The following BBS9 variants were observed in gnomAD, a reference collection of about 807,000 sequenced individuals.
The protein encoded by BBS9 is Bardet-Biedl syndrome 9.
In BBS9, 89 loss-of-function variants were observed where a neutral mutation model predicts 117.7. The observed-to-expected ratio is 0.76, with a 90% CI of 0.64 to 0.90. BBS9 has a LOEUF of 0.90. Ranked by LOEUF, BBS9 falls within the 40% of genes least tolerant of loss-of-function variation. BBS9 has a pLI of 0.00. For synonymous variants in BBS9, 379 were observed against 370.9 expected, an observed-to-expected ratio of 1.02 and a Z score of -0.25; for missense variants, 982 against 1,042.2, an observed-to-expected ratio of 0.94 and a Z score of 0.80.
chr7:33,491,138 A>G (rs1255285333), intron 19 of BBS9, among the ~76,000 whole-genome samples: 2 of 152,236 alleles, frequency 1.3e-5, no homozygotes, highest in Admixed American at 6.5e-5. Context: ...AGGGGTAGCC[A>G]GGGAGTATTC....
At chr7:33,355,008 GTAA>G (rs1415679425) in intron 15 of BBS9, among the ~76,000 whole-genome samples, 1 of 152,002 alleles carries the variant, frequency 6.6e-6, no homozygotes, top group Non-Finnish European at 1.5e-5. Context: ...TTCTCTCAGC[GTAA>G]CACTTAGAGA....
At chr7:33,184,915 A>C (rs1333072309) in intron 5 of BBS9, among the ~76,000 whole-genome samples, 1 of 152,202 alleles carries the variant, frequency 6.6e-6, no homozygotes, top group Admixed American at 6.5e-5. Flanking sequence ...TTATTGATTA[A>C]ATGCTAAACA....
At chr7:33,349,294 G>A in intron 13 of BBS9, 124 bp downstream of exon 13, 1 of 747,858 alleles carries the variant, frequency 1.3e-6, no homozygotes, top group Non-Finnish European at 2.4e-6. Context: ...CAAAATCAAT[G>A]ATTGTGTTGT....
At chr7:33,410,293 T>C (rs1452347743) in intron 19 of BBS9, among the ~76,000 whole-genome samples, 1 of 152,232 alleles carries the variant, frequency 6.6e-6, no homozygotes, top group East Asian at 1.9e-4. Context: ...TTTTCTTCTC[T>C]GCACCCATGA....
chr7:33,620,976 C>T (rs924745598), intron 21 of BBS9, among the ~76,000 whole-genome samples: 25 of 152,046 alleles, frequency 1.6e-4, no homozygotes, highest in African/African-American at 4.6e-4. Flanking sequence ...ATTAAGAATA[C>T]ACAATGGAGA....
At chr7:33,392,069 G>A (rs1827166717) in intron 19 of BBS9, among the ~76,000 whole-genome samples, 1 of 152,080 alleles carries the variant, frequency 6.6e-6, no homozygotes. Flanking sequence ...GTGCAATTTA[G>A]TGAGAATCTA....
At chr7:33,420,701 C>T (rs566307778) in intron 19 of BBS9, among the ~76,000 whole-genome samples, 1 of 152,038 alleles carries the variant, frequency 6.6e-6, no homozygotes, top group Admixed American at 6.6e-5. Flanking sequence ...TCCTGTGAAC[C>T]CTCTTTGAGA....
Position 33,516,189 on chromosome 7 carries a change from C to T in BBS9, c.2298+10544C>T, listed in dbSNP as rs146119662. On this transcript the variant is annotated intron_variant, in intron 20 of 22. Coordinates refer to ENST00000242067, the MANE Select transcript of BBS9 (RefSeq NM_198428.3). ...CTTCTGAGATGTGGGGGAGAAATGTCCTATAATTGATGGAACATAGGCCGG... is the reference window on the plus strand; with the variant it reads ...CTTCTGAGATGTGGGGGAGAAATGTTCTATAATTGATGGAACATAGGCCGG... 1.3e-3 allele frequency among the ~76,000 whole-genome samples: 203 copies of T among 152,026 alleles called. 2 individuals carry two copies. Among genetic ancestry groups the T allele is most frequent in the African/African-American group, 4.7e-3 (196 of 41,492 alleles).
At chr7:33,323,190 A>C (rs1466643216) in intron 9 of BBS9, among the ~76,000 whole-genome samples, 2 of 152,130 alleles carry the variant, frequency 1.3e-5, no homozygotes, top group Non-Finnish European at 2.9e-5. Flanking sequence ...CATGTGCTGA[A>C]GAAAATGTGT....
intron 19 of BBS9, among the ~76,000 whole-genome samples, chr7:33,485,414 A>ATTC (rs1009055425): frequency 1.4e-5 from 2 of 143,456 alleles, no homozygotes; most frequent in African/African-American, 5.2e-5. Context: ...GGTTCATGCC[A>ATTC]TTCTCCTGCC....
chr7:33,555,075 T>C (rs1433256894), intron 21 of BBS9, among the ~76,000 whole-genome samples: 2 of 152,224 alleles, frequency 1.3e-5, no homozygotes, highest in African/African-American at 4.8e-5. Context: ...TCCTTCTCTT[T>C]CCTATAAAGT....
Position 33,130,037 on chromosome 7 carries a change from A to G in BBS9, c.-16A>G, listed in dbSNP as rs1055452176. 1 of 152,216 alleles carries G rather than the reference A, an allele frequency of 6.6e-6. No homozygotes were observed. The highest frequency in any genetic ancestry group is 2.4e-5 in the African/African-American group (1 of 41,446). 9.4% of individuals were successfully genotyped at this position (152,216 alleles called of 1,614,324 possible). A position where few individuals can be genotyped will look rare whatever the true frequency, so the allele number is the denominator to read the frequency against. On this transcript the variant is annotated 5_prime_UTR_variant, in exon 1 of 23. Coordinates refer to ENST00000242067, the MANE Select transcript of BBS9 (RefSeq NM_198428.3). The stretch of plus-strand genomic sequence containing the variant: ...TGGGGCAGAGCTCATCTGACGTGGC[A>G]TCAGGTAAGATGGTATGTCTGTTGT...
At chr7:33,465,453 A>AC (rs1840025461) in intron 19 of BBS9, among the ~76,000 whole-genome samples, 1 of 152,144 alleles carries the variant, frequency 6.6e-6, no homozygotes, top group Non-Finnish European at 1.5e-5. Context: ...ACTTTAGTTA[A>AC]TACAGTGAAG....
At chr7:33,582,454 T>G (rs189935476) in intron 21 of BBS9, among the ~76,000 whole-genome samples, 18 of 152,052 alleles carry the variant, frequency 1.2e-4, no homozygotes, top group African/African-American at 4.3e-4. Context: ...ACAGAACCAC[T>G]TAAGGCTTTT....
chr7:33,199,110 G>C (rs1785412054), intron 5 of BBS9, among the ~76,000 whole-genome samples: 1 of 151,956 alleles, frequency 6.6e-6, no homozygotes, highest in Non-Finnish European at 1.5e-5. Context: ...CTTTTTGAAA[G>C]ATGGCGACAA....
chr7:33,387,158 T>C (rs1826179038), intron 18 of BBS9, among the ~76,000 whole-genome samples: 1 of 152,186 alleles, frequency 6.6e-6, no homozygotes, highest in South Asian at 2.1e-4. Context: ...CTTACTATGA[T>C]AACAATAGAT....
At chr7:33,548,459 C>T (rs1334741341) in intron 21 of BBS9, among the ~76,000 whole-genome samples, 1 of 151,088 alleles carries the variant, frequency 6.6e-6, no homozygotes, top group Non-Finnish European at 1.5e-5. Flanking sequence ...AACTCGTCAT[C>T]TAGCATTATG....
At chr7:33,440,295 A>G (rs1041535827) in intron 19 of BBS9, among the ~76,000 whole-genome samples, 1 of 152,186 alleles carries the variant, frequency 6.6e-6, no homozygotes, top group African/African-American at 2.4e-5. Flanking sequence ...TATTTTTCTA[A>G]ATGATGCCTA....
At chr7:33,520,807 G>A (rs1456934152) in intron 20 of BBS9, among the ~76,000 whole-genome samples, 1 of 152,148 alleles carries the variant, frequency 6.6e-6, no homozygotes, top group Non-Finnish European at 1.5e-5. Context: ...GGCCTCCATT[G>A]TCCCCTGGCT....
Sources: gnomAD v4.1 joint callset for allele counts (sites outside exome capture counted in the v4.1 genomes callset) on GRCh38, gnomAD v4.1.1 for gene constraint, MANE v1.5 for transcripts, NCBI Gene and HGNC (gene_info 2026-07-23, HGNC 2026-07-21) for gene names.